The following EPHA1 variants were observed in gnomAD, a reference collection of about 807,000 sequenced individuals.
EPHA1 encodes EPH receptor A1.
Under a neutral mutation model 110.1 loss-of-function variants are expected in EPHA1, and 92 were observed. The ratio of observed to expected loss-of-function variants is 0.84; its 90% confidence interval spans 0.71 to 0.99. EPHA1 has a LOEUF of 0.99. Among genes scored for constraint, EPHA1 ranks in the 50% least tolerant of loss-of-function variants. EPHA1 has a pLI of 0.00. For missense variants in EPHA1, 1,204 were observed against 1,285.4 expected (o/e 0.94, Z 0.97); for synonymous variants, 500 against 516.1 (o/e 0.97, Z 0.42).
chr7:143,401,123 C>G lies in EPHA1; in HGVS notation c.432+201G>C, dbSNP rs934225102. The G allele has an allele frequency of 1.0e-5, 7 of 671,394 alleles. No homozygotes were observed. Among genetic ancestry groups the G allele is most frequent in the Non-Finnish European group, 1.7e-5 (7 of 404,520 alleles). 41.6% of individuals were successfully genotyped at this position (671,394 alleles called of 1,614,324 possible). On this transcript the variant is annotated intron_variant, in intron 3 of 17. Transcript: ENST00000275815. This position sits in a 1 kb window ranked among gnomAD's most constrained non-coding sequence, Gnocchi z 4.1. ...GCCCAGGCTGGTCTCAAGCTCCTGG[C>G]CTCAAGTGATCTTCCCACATCGGTT...
intron 2 of EPHA1, among the ~76,000 whole-genome samples, chr7:143,405,436 CGT>C (rs71523910): frequency 0.012 from 1,825 of 149,410 alleles, 24 homozygotes; most frequent in South Asian, 0.029. Flanking sequence ...TGCATGTGTG[CGT>C]GTGTGTGTGT....
In EPHA1 at chr7:143,393,859, C is replaced by T; in HGVS notation, c.2508G>A (p.Met836Ile). Reference protein sequence around the residue: ...PYGEMSNQEVMKSIEDGYRLP... With the variant: ...PYGEMSNQEVIKSIEDGYRLP... ...ACCGGTACCCATCCTCAATGCTCTT[C>T]ATAACCTGCACGGCGGGACAGGAGG... Residue 836 changes from methionine to isoleucine, a missense_variant, in exon 16 of 18, where the codon ATG becomes ATA. By Grantham distance (10) the Met-to-Ile change is conservative. Transcript: ENST00000275815. The surrounding 1 kb of genome is among the most constrained non-coding windows in gnomAD (Gnocchi z 5.6). 6.4e-7 allele frequency: 1 copy of T among 1,554,976 alleles called. No individual in the cohort carries two copies. The highest frequency in any genetic ancestry group is 2.3e-5 in the East Asian group (1 of 44,108).
At position 143,395,275 on chromosome 7, in the gene EPHA1, T is replaced by C; in HGVS notation, c.2083+44A>G. ...CACTTCCAGTGGTTTCACCCCTCTTTCCTGCATTTCCCGCCCCCAGCTGAG... is the reference window on the plus strand; with the variant it reads ...CACTTCCAGTGGTTTCACCCCTCTTCCCTGCATTTCCCGCCCCCAGCTGAG... On this transcript the variant is annotated intron_variant, in intron 12 of 17. Transcript: ENST00000275815. The surrounding 1 kb of genome is among the most constrained non-coding windows in gnomAD (Gnocchi z 4.7). 1.2e-6 allele frequency: 2 copies of C among 1,613,674 alleles called. No homozygotes were observed. Among genetic ancestry groups the C allele is most frequent in the Non-Finnish European group, 1.7e-6 (2 of 1,179,874 alleles).
At position 143,397,342 on chromosome 7, in the gene EPHA1, T is replaced by C. The variant is rs1013254568; in HGVS notation, c.1733A>G (p.Gln578Arg). The change falls in exon 10 of 18, where the codon CAG becomes CGG. Residue 578 changes from glutamine to arginine, a missense_variant. Physicochemically the swap from Gln to Arg is conservative, Grantham distance 43. Coordinates refer to ENST00000275815, the MANE Select transcript of EPHA1 (RefSeq NM_005232.5). ...FRSRRAQRQR[Q>R]QRQRDRATDV... ...GGTGGCGCGGTCACGCTGCCTCTGC[T>C]GCCTCTGCCGCTGGGCTCTCCTGTG... 3 of 1,550,078 alleles carry C rather than the reference T, an allele frequency of 1.9e-6. No homozygotes were observed. Among genetic ancestry groups the C allele is most frequent in the Middle Eastern group, 1.8e-4 (1 of 5,516 alleles).
chr7:143,392,246 C>T (rs1241985686), intron 16 of EPHA1, among the ~76,000 whole-genome samples: 1 of 152,246 alleles, frequency 6.6e-6, no homozygotes, highest in Non-Finnish European at 1.5e-5. Context: ...GTTATTCTTG[C>T]ACTCTGACAC....
At chr7:143,399,062 T>C in intron 5 of EPHA1, 117 bp from the exon 6 acceptor site, 1 of 1,242,076 alleles carries the variant, frequency 8.1e-7, no homozygotes, top group Non-Finnish European at 1.1e-6. Flanking sequence ...TTGGGGAGAT[T>C]TGATTTCTAC....
chr7:143,399,260 G>T lies in EPHA1; in HGVS notation c.989C>A (p.Thr330Lys). The T allele has an allele frequency of 6.2e-7, 1 of 1,611,448 alleles. No individual in the cohort carries two copies. The highest frequency in any genetic ancestry group is 8.5e-7 in the Non-Finnish European group (1 of 1,179,660). ...APGEGPQVAC[T>K]GPPSAPRNLS... Reference sequence around the variant, plus strand: ...CACGCCCCACCCCCTGGACTCACCTGTGCATGCCACCTGGGGGCCCTCCCC... The same window carrying T: ...CACGCCCCACCCCCTGGACTCACCTTTGCATGCCACCTGGGGGCCCTCCCC... Residue 330 changes from threonine (T) to lysine (K), a missense_variant and splice_region_variant, in exon 5 of 18, where the codon ACA becomes AAA. Coordinates refer to ENST00000275815, the MANE Select transcript of EPHA1 (RefSeq NM_005232.5).
chr7:143,398,346 G>A lies in EPHA1; in HGVS notation c.1439C>T (p.Thr480Ile), dbSNP rs775148876. ...CTGGTTCAGCACGTGCAGCTCATAG[G>A]TCAGGTTCGCCCCAGGGCTTCGGGG... is the stretch of plus-strand genomic sequence containing the variant. ...SRPRSPGANLTYELHVLNQDE... is the reference protein window; with the variant it reads ...SRPRSPGANLIYELHVLNQDE... The change falls in exon 7 of 18, where the codon ACC (threonine) becomes ATC (isoleucine). Residue 480 changes from threonine to isoleucine, a missense_variant. By Grantham distance (89) the Thr-to-Ile change is moderately conservative. Transcript: ENST00000275815. The A allele has an allele frequency of 1.9e-6, 3 of 1,614,126 alleles. No homozygotes were observed. The highest frequency in any genetic ancestry group is 2.5e-6 in the Non-Finnish European group (3 of 1,180,000).
chr7:143,391,446 G>A lies in EPHA1; in HGVS notation c.*11C>T, dbSNP rs981083287. On this transcript the variant is annotated 3_prime_UTR_variant, in exon 18 of 18. Coordinates refer to ENST00000275815, the MANE Select transcript of EPHA1 (RefSeq NM_005232.5). ...CTTGCACCCTGATTGGGCATGGGGTGAGAGGAGGGATCAGTCCTTGAATCC... is the reference window on the plus strand; with the variant it reads ...CTTGCACCCTGATTGGGCATGGGGTAAGAGGAGGGATCAGTCCTTGAATCC... 1.9e-6 allele frequency: 3 copies of A among 1,613,852 alleles called. No individual in the cohort carries two copies. The highest frequency in any genetic ancestry group is 1.7e-5 in the Admixed American group (1 of 59,994).
chr7:143,401,571 GGT>G lies in EPHA1; in HGVS notation c.183_184del (p.Leu63ValfsTer15). 1 of 1,614,030 alleles carries G rather than the reference GGT, an allele frequency of 6.2e-7. No individual in the cohort carries two copies. The highest frequency in any genetic ancestry group is 8.5e-7 in the Non-Finnish European group (1 of 1,179,954). On this transcript the variant is annotated frameshift_variant, in exon 3 of 18. Transcript: ENST00000275815. LOFTEE classifies it high-confidence loss of function. This position sits in a 1 kb window ranked among gnomAD's most constrained non-coding sequence, Gnocchi z 4.1. ...TGGGCAGTCCTGGTACATGTACAGG[GGT>G]GTCCCATTCAGTATCTGTTGCTGTT...
chr7:143,408,837 G>A lies in EPHA1; in HGVS notation c.-32C>T. On this transcript the variant is annotated 5_prime_UTR_variant, in exon 1 of 18. Transcript: ENST00000275815. Reference sequence around the variant, plus strand: ...GGGCCGGGACCTGGGACAGTGGCCCGGATGGCAGCGCCAGGTTGCAAGGGA... The same window carrying A: ...GGGCCGGGACCTGGGACAGTGGCCCAGATGGCAGCGCCAGGTTGCAAGGGA... 3 of 1,127,120 alleles carry A rather than the reference G, an allele frequency of 2.7e-6. No homozygotes were observed. Among genetic ancestry groups the A allele is most frequent in the Non-Finnish European group, 3.2e-6 (3 of 923,136 alleles). 69.8% of individuals were successfully genotyped at this position (1,127,120 alleles called of 1,614,324 possible).
Position 143,398,858 on chromosome 7 carries a change from C to T in EPHA1, c.1079G>A (p.Gly360Glu), listed in dbSNP as rs750188342. ...LRWEPPADTG[G>E]RQDVRYSVRC... ...CACACTGTATCTGACATCCTGGCGT[C>T]CCCCCGTATCTGCTGGGGGTTCCCA... Residue 360 changes from glycine to glutamate, a missense_variant, in exon 6 of 18, where the codon GGA (glycine) becomes GAA (glutamate). Physicochemically the swap from Gly to Glu is moderately conservative, Grantham distance 98 (BLOSUM62 -2). Transcript: ENST00000275815. The T allele has an allele frequency of 4.3e-6, 7 of 1,613,344 alleles. No individual in the cohort carries two copies. The Admixed American group carries it at 1.0e-4, about 23-fold the overall frequency.
intron 1 of EPHA1, among the ~76,000 whole-genome samples, chr7:143,408,283 T>G (rs1344838266): frequency 6.6e-6 from 1 of 152,110 alleles, no homozygotes; most frequent in East Asian, 1.9e-4. Flanking sequence ...CCCTGTGGCG[T>G]CAGTCCTAAC....
Position 143,401,324 on chromosome 7 carries a change from C to T in EPHA1, c.432G>A (p.Lys144=). 1 of 1,613,314 alleles carries T rather than the reference C, an allele frequency of 6.2e-7. No individual in the cohort carries two copies. Among genetic ancestry groups the T allele is most frequent in the South Asian group, 1.1e-5 (1 of 91,048 alleles). ...CAGATGGCATGGAGGGAAGCAGCAC[C>T]TTCTGGAACAAGGGCCGTCGGAGCT... ...GIQLRRPLFQ[K]VTTVAADQSF... The change falls in exon 3 of 18, where the codon AAG becomes AAA. Residue 144 remains lysine (K), a splice_region_variant and synonymous_variant. Transcript: ENST00000275815. The surrounding 1 kb of genome is among the most constrained non-coding windows in gnomAD (Gnocchi z 4.1).
At position 143,391,425 on chromosome 7, in the gene EPHA1, C is replaced by T. The variant is rs781350590; in HGVS notation, c.*32G>A. Reference sequence around the variant, plus strand: ...ACCTTGGCCCCGTCCTTGCTCCTTGCACCCTGATTGGGCATGGGGTGAGAG... The same window carrying T: ...ACCTTGGCCCCGTCCTTGCTCCTTGTACCCTGATTGGGCATGGGGTGAGAG... On this transcript the variant is annotated 3_prime_UTR_variant, in exon 18 of 18. Coordinates refer to ENST00000275815, the MANE Select transcript of EPHA1 (RefSeq NM_005232.5). 7 of 1,613,074 alleles carry T rather than the reference C, an allele frequency of 4.3e-6. No homozygotes were observed. In the African/African-American group the frequency reaches 9.3e-5, roughly 22 times the overall value.
At position 143,398,433 on chromosome 7, in the gene EPHA1, AG is replaced by A; in HGVS notation, c.1351del (p.Leu451CysfsTer3). 6.2e-7 allele frequency: 1 copy of A among 1,614,170 alleles called. No individual in the cohort carries two copies. On this transcript the variant is annotated frameshift_variant, in exon 7 of 18. Coordinates refer to ENST00000275815, the MANE Select transcript of EPHA1 (RefSeq NM_005232.5). LOFTEE classifies it high-confidence loss of function. ...SMGHAESLSGLSLRLVKKEPR... is the reference protein window; with the variant it reads ...SMGHAESLSGXSLRLVKKEPR... ...TTCTTTCTTCACCAGTCTCAGAGAC[AG>A]GCCTGACAGTGACTCTGGGGGTCCA...
Position 143,398,817 on chromosome 7 carries a change from G to A in EPHA1, c.1120C>T (p.Gln374Ter), listed in dbSNP as rs765803133. The A allele has an allele frequency of 6.2e-7, 1 of 1,613,488 alleles. No homozygotes were observed. The highest frequency in any genetic ancestry group is 1.1e-5 in the South Asian group (1 of 91,082). The change falls in exon 6 of 18, where the codon CAG becomes TAG. Residue 374 changes from glutamine to a stop codon, truncating the protein, a stop_gained. Transcript: ENST00000275815. LOFTEE classifies it high-confidence loss of function. ...GGCCCCCCGTCCTGTGCTGTGCCCT[G>A]ACACTGGGAACACCTCACACTGTAT... ...VRYSVRCSQC[Q>*]GTAQDGGPCQ...
Position 143,398,642 on chromosome 7 carries a change from C to T in EPHA1, c.1295G>A (p.Gly432Asp). Residue 432 changes from glycine (G) to aspartate (D), a missense_variant, in exon 6 of 18, where the codon GGC becomes GAC. Gly to Asp is a moderately conservative substitution (Grantham distance 94, BLOSUM62 -1). Coordinates refer to ENST00000275815, the MANE Select transcript of EPHA1 (RefSeq NM_005232.5). ...QNGVSGLGSS[G>D]HASTSVSISM... ...GATGCTGACTGAGGTGCTGGCATGGCCAGAGCTGCCCAGCCCTGACACTCC... is the reference window on the plus strand; with the variant it reads ...GATGCTGACTGAGGTGCTGGCATGGTCAGAGCTGCCCAGCCCTGACACTCC... 10 of 1,614,088 alleles carry T rather than the reference C, an allele frequency of 6.2e-6. No homozygotes were observed. Among genetic ancestry groups the T allele is most frequent in the Non-Finnish European group, 8.5e-6 (10 of 1,179,968 alleles).
chr7:143,407,822 A>G, intron 1 of EPHA1, 144 bp from the exon 2 acceptor site: 17 of 659,352 alleles, frequency 2.6e-5, no homozygotes, highest in Admixed American at 1.1e-4. Flanking sequence ...GGGGAGAAAA[A>G]GGGCTCAGGA....
Sources: allele counts gnomAD v4.1 joint callset (sites outside exome capture counted in the v4.1 genomes callset), GRCh38; gene constraint gnomAD v4.1.1; non-coding constraint Gnocchi (gnomAD v3.1); transcripts MANE v1.5; gene names NCBI Gene and HGNC (gene_info 2026-07-23, HGNC 2026-07-21).